The following MRAP variants were observed in gnomAD, a reference collection of about 807,000 sequenced individuals.
MRAP encodes the protein melanocortin 2 receptor accessory protein.
Under a neutral mutation model 8.7 loss-of-function variants are expected in MRAP, and 8 were observed. The observed-to-expected ratio is 0.92, with a 90% CI of 0.54 to 1.66. The LOEUF (loss-of-function observed/expected upper bound fraction) is 1.66. Among genes scored for constraint, MRAP ranks in the 40% most tolerant of loss-of-function variants. The probability of loss-of-function intolerance (pLI) is 0.00; values close to 1 mark genes in which losing one functional copy is unlikely to be tolerated. For missense variants in MRAP, 237 were observed against 217.1 expected (o/e 1.09, Z -0.58); for synonymous variants, 95 against 95.5 (o/e 1.00, Z 0.03).
intron 1 of MRAP, among the ~76,000 whole-genome samples, chr21:32,304,454 G>C (rs1385691324): frequency 6.6e-6 from 1 of 151,928 alleles, no homozygotes; most frequent in Non-Finnish European, 1.5e-5. Flanking sequence ...ATCTGTACTA[G>C]AAATACAAAA....
intron 1 of MRAP, among the ~76,000 whole-genome samples, chr21:32,292,648 G>C (rs189678780): frequency 3.4e-4 from 51 of 151,946 alleles, no homozygotes; most frequent in African/African-American, 1.2e-3. Flanking sequence ...GTAGAGACAG[G>C]GTTTCACCAT....
Position 32,300,423 on chromosome 21 carries a change from G to A in MRAP, c.106+1346G>A, listed in dbSNP as rs529679395. ...ATGTCGGATGCATCACGCGTCCTGC[G>A]TCGGATGCGTCATGCGTCCTATGTC... On this transcript the variant is annotated intron_variant, in intron 1 of 2. Transcript: ENST00000303645. 2.9e-3 allele frequency among the ~76,000 whole-genome samples: 432 copies of A among 151,414 alleles called. 3 individuals carry two copies. The highest frequency in any genetic ancestry group is 7.3e-3 in the African/African-American group (300 of 41,170).
intron 1 of MRAP, among the ~76,000 whole-genome samples, chr21:32,301,106 A>G (rs1264011534): frequency 6.7e-6 from 1 of 148,882 alleles, no homozygotes; most frequent in East Asian, 1.9e-4. Flanking sequence ...GATATCATAT[A>G]TCATATGATA....
chr21:32,295,257 C>T (rs2032119693), upstream of MRAP, among the ~76,000 whole-genome samples: 2 of 152,138 alleles, frequency 1.3e-5, no homozygotes, highest in South Asian at 4.1e-4. Flanking sequence ...GGAAGGGGGC[C>T]AAGCGGGCAA....
At chr21:32,310,709 C>T (rs1378791517) in intron 2 of MRAP, among the ~76,000 whole-genome samples, 1 of 151,342 alleles carries the variant, frequency 6.6e-6, no homozygotes, top group Non-Finnish European at 1.5e-5. Flanking sequence ...TGCAGTGGCG[C>T]AATCTTGGCT....
chr21:32,305,926 A>G (rs1367215585), intron 1 of MRAP, among the ~76,000 whole-genome samples: 1 of 152,120 alleles, frequency 6.6e-6, no homozygotes, highest in Non-Finnish European at 1.5e-5. Flanking sequence ...CCAGGGCCCC[A>G]GGGGGGCTAA....
chr21:32,301,570 C>T (rs534486537), intron 1 of MRAP, among the ~76,000 whole-genome samples: 2 of 152,270 alleles, frequency 1.3e-5, no homozygotes, highest in South Asian at 2.1e-4. Context: ...TGCCCTTTTC[C>T]GAGGCTAAGC....
At chr21:32,307,293 A>G (rs1413106583) in intron 2 of MRAP, among the ~76,000 whole-genome samples, 1 of 152,106 alleles carries the variant, frequency 6.6e-6, no homozygotes, top group African/African-American at 2.4e-5. Context: ...TCTAAAATTA[A>G]GCTGGGCGTG....
chr21:32,300,555 A>G (rs1343272597), intron 1 of MRAP, among the ~76,000 whole-genome samples: 1 of 139,494 alleles, frequency 7.2e-6, no homozygotes, highest in Admixed American at 7.0e-5. Context: ...CACGTGTCCT[A>G]TGTCAGATGT....
At chr21:32,300,682 A>AGG (rs1569026348) in intron 1 of MRAP, among the ~76,000 whole-genome samples, 4 of 31,784 alleles carry the variant, frequency 1.3e-4, no homozygotes, top group Non-Finnish European at 3.9e-4. Flanking sequence ...CGGATGTGTC[A>AGG]CGCGTCCTAT....
downstream of MRAP, chr21:32,314,569 T>A (rs1308830836): frequency 1.2e-6 from 2 of 1,613,900 alleles, no homozygotes; most frequent in Non-Finnish European, 1.7e-6. Context: ...CAGATGAATC[T>A]CTTCTGCATT....
intron 1 of MRAP, among the ~76,000 whole-genome samples, chr21:32,300,298 C>A (rs2032229444): frequency 6.6e-6 from 1 of 152,130 alleles, no homozygotes; most frequent in African/African-American, 2.4e-5. Context: ...GGGATTACGT[C>A]GTATGTCAGA....
chr21:32,304,727 G>A (rs2032365568), intron 1 of MRAP, among the ~76,000 whole-genome samples: 1 of 151,996 alleles, frequency 6.6e-6, no homozygotes, highest in African/African-American at 2.4e-5. Context: ...CCTTTCCCCA[G>A]GAATCCAGAG....
Position 32,306,734 on chromosome 21 carries a change from G to A in MRAP, c.201G>A (p.Gln67=), listed in dbSNP as rs1568799521. Residue 67 remains glutamine (Q), a synonymous_variant, in exon 2 of 3, where the codon CAG becomes CAA. Coordinates refer to ENST00000303645, the MANE Select transcript of MRAP (RefSeq NM_001379228.1). ...ACATGTCCTGGTCCGCCTCCCCGCA[G>A]ATGAGGTGGGTAAGAAGGGGTGTGA... The part of the protein sequence containing the change: ...LLYMSWSASP[Q]MRNSPKHHQT... The A allele has an allele frequency of 6.2e-7, 1 of 1,614,074 alleles. No homozygotes were observed. Among genetic ancestry groups the A allele is most frequent in the South Asian group, 1.1e-5 (1 of 91,078 alleles).
intron 1 of MRAP, among the ~76,000 whole-genome samples, chr21:32,301,681 G>A (rs1017064354): frequency 1.3e-5 from 2 of 152,338 alleles, no homozygotes; most frequent in Middle Eastern, 6.8e-3. Context: ...AGGATGGGCT[G>A]ATTTCCCTTG....
upstream of MRAP, among the ~76,000 whole-genome samples, chr21:32,294,448 T>A (rs188065024): frequency 4.5e-4 from 68 of 152,294 alleles, no homozygotes; most frequent in East Asian, 2.3e-3. Flanking sequence ...ATCTCCCTGA[T>A]GACTAATGAC....
chr21:32,302,877 C>T (rs1192970126), intron 1 of MRAP, among the ~76,000 whole-genome samples: 1 of 152,144 alleles, frequency 6.6e-6, no homozygotes, highest in African/African-American at 2.4e-5. Context: ...TAGTCTTTAA[C>T]TCAGGCAGCC....
chr21:32,310,835 C>T (rs189684981), intron 2 of MRAP, among the ~76,000 whole-genome samples: 1 of 151,872 alleles, frequency 6.6e-6, no homozygotes, highest in African/African-American at 2.4e-5. Context: ...TCAGTAGAGA[C>T]GGGGTTTCCC....
upstream of MRAP, among the ~76,000 whole-genome samples, chr21:32,295,485 C>G (rs978546202): frequency 6.6e-6 from 1 of 152,142 alleles, no homozygotes; most frequent in Non-Finnish European, 1.5e-5. Context: ...CTTTTCTTGG[C>G]GCCGCCTGTG....
Sources: allele counts gnomAD v4.1 joint callset (sites outside exome capture counted in the v4.1 genomes callset), GRCh38; gene constraint gnomAD v4.1.1; transcripts MANE v1.5; gene names NCBI Gene and HGNC (gene_info 2026-07-23, HGNC 2026-07-21).